Variants in NALF1 observed in about 807,000 individuals in gnomAD.
NALF1 encodes the protein family with sequence similarity 155 member A.
Under a neutral mutation model 48.4 loss-of-function variants are expected in NALF1, and 3 were observed. That is an observed-to-expected ratio of 0.06 (90% CI 0.03 to 0.16). The LOEUF is 0.16. Among genes scored for constraint, NALF1 ranks in the 10% least tolerant of loss-of-function variants. The pLI, the probability that NALF1 is intolerant of heterozygous loss-of-function variation, is 1.00. For synonymous variants in NALF1, 262 were observed against 245.7 expected, an observed-to-expected ratio of 1.07 and a Z score of -0.62; for missense variants, 526 against 571.5, an observed-to-expected ratio of 0.92 and a Z score of 0.81.
intron 1 of NALF1, among the ~76,000 whole-genome samples, chr13:107,600,260 T>G (rs1336130547): frequency 6.6e-6 from 1 of 152,168 alleles, no homozygotes; most frequent in African/African-American, 2.4e-5. Flanking sequence ...GATAGTATCC[T>G]CTATAAGACT....
intron 1 of NALF1, among the ~76,000 whole-genome samples, chr13:107,564,121 G>A (rs1877720847): frequency 6.6e-6 from 1 of 152,140 alleles, no homozygotes; most frequent in African/African-American, 2.4e-5. Context: ...ACAACTGAAA[G>A]AATGGAGATA....
chr13:107,242,667 T>G (rs1256002600), intron 1 of NALF1, among the ~76,000 whole-genome samples: 2 of 152,202 alleles, frequency 1.3e-5, no homozygotes, highest in Admixed American at 1.3e-4. Flanking sequence ...TTATGCCTTT[T>G]TGTTTACCTA....
chr13:107,854,885 A>G (rs1322239073), intron 1 of NALF1, among the ~76,000 whole-genome samples: 1 of 120,840 alleles, frequency 8.3e-6, no homozygotes, highest in East Asian at 3.3e-4. Flanking sequence ...AAAAAAAAAG[A>G]AAAAAAGACC....
intron 1 of NALF1, among the ~76,000 whole-genome samples, chr13:107,257,795 T>C (rs1880849496): frequency 6.6e-6 from 1 of 151,898 alleles, no homozygotes; most frequent in South Asian, 2.1e-4. Flanking sequence ...AGGTAGGGGA[T>C]GGGGGGTGGT....
At chr13:107,445,816 C>T (rs899068261) in intron 1 of NALF1, among the ~76,000 whole-genome samples, 13 of 152,010 alleles carry the variant, frequency 8.6e-5, no homozygotes, top group Admixed American at 8.5e-4. Flanking sequence ...TCCCAAATGG[C>T]TATTGGTGAT....
intron 1 of NALF1, among the ~76,000 whole-genome samples, chr13:107,338,241 C>T (rs1053217510): frequency 5.3e-5 from 8 of 152,180 alleles, no homozygotes; most frequent in African/African-American, 1.7e-4. Flanking sequence ...TGACCTAATT[C>T]TTACAATCCC....
At chr13:107,287,832 A>C (rs2138879281) in intron 1 of NALF1, among the ~76,000 whole-genome samples, 1 of 150,514 alleles carries the variant, frequency 6.6e-6, no homozygotes, top group East Asian at 2.0e-4. Flanking sequence ...CAGCCTCCCG[A>C]GTAACTGGGA....
At chr13:107,232,736 A>G (rs1239070845) in intron 1 of NALF1, among the ~76,000 whole-genome samples, 1 of 152,186 alleles carries the variant, frequency 6.6e-6, no homozygotes, top group Non-Finnish European at 1.5e-5. Context: ...ATTCCATGCT[A>G]AGAGATTCTG....
At chr13:107,606,857 T>C (rs9587409) in intron 1 of NALF1, among the ~76,000 whole-genome samples, 79 of 152,230 alleles carry the variant, frequency 5.2e-4, no homozygotes, top group African/African-American at 1.9e-3. Flanking sequence ...ACAAAATCTA[T>C]CTGTCCTGAA....
intron 2 of NALF1, among the ~76,000 whole-genome samples, chr13:107,184,459 A>G (rs984167573): frequency 5.9e-5 from 9 of 151,968 alleles, no homozygotes; most frequent in African/African-American, 2.2e-4. Flanking sequence ...TCTGCCTTGG[A>G]CTTAGTCTCT....
chr13:107,239,264 T>A (rs1372727613), intron 1 of NALF1, among the ~76,000 whole-genome samples: 1 of 152,208 alleles, frequency 6.6e-6, no homozygotes, highest in Non-Finnish European at 1.5e-5. Context: ...CGACAGGCCA[T>A]GCTCTCTCCA....
At chr13:107,364,779 AAGAGCCTGACAACCTG>A (rs1883122677) in intron 1 of NALF1, among the ~76,000 whole-genome samples, 1 of 66,074 alleles carries the variant, frequency 1.5e-5, no homozygotes, top group Non-Finnish European at 3.7e-5. Context: ...CCAAGCTCGT[AAGAGCCTGACAACCTG>A]ACCTAGGATA....
intron 1 of NALF1, among the ~76,000 whole-genome samples, chr13:107,735,799 G>A (rs543360357): frequency 6.6e-6 from 1 of 152,286 alleles, no homozygotes; most frequent in East Asian, 1.9e-4. Context: ...ACTCTTCTTG[G>A]TGTAGGGGTA....
At chr13:107,825,510 C>T (rs1879489151) in intron 1 of NALF1, among the ~76,000 whole-genome samples, 1 of 152,114 alleles carries the variant, frequency 6.6e-6, no homozygotes, top group Admixed American at 6.5e-5. Flanking sequence ...GGCCTCAATC[C>T]TTATGCATCA....
chr13:107,399,870 T>C (rs1419771543), intron 1 of NALF1, among the ~76,000 whole-genome samples: 3 of 152,154 alleles, frequency 2.0e-5, no homozygotes, highest in African/African-American at 7.2e-5. Context: ...AATTATAGCA[T>C]TCTGTGTACC....
chr13:107,582,960 G>T (rs964274196), intron 1 of NALF1, among the ~76,000 whole-genome samples: 1 of 152,010 alleles, frequency 6.6e-6, no homozygotes, highest in African/African-American at 2.4e-5. Context: ...CTGATTCCTG[G>T]TATATCACCT....
At chr13:107,195,476 C>A (rs953024153) in intron 2 of NALF1, among the ~76,000 whole-genome samples, 1 of 152,180 alleles carries the variant, frequency 6.6e-6, no homozygotes, top group South Asian at 2.1e-4. Flanking sequence ...AATTTCATTT[C>A]TCTGTATCGC....
At chr13:107,363,489 C>A (rs1296423877) in intron 1 of NALF1, among the ~76,000 whole-genome samples, 2 of 152,182 alleles carry the variant, frequency 1.3e-5, no homozygotes, top group East Asian at 3.9e-4. Flanking sequence ...GTCCCAGCTA[C>A]TCCAGAGGCT....
chr13:107,825,349 C>T (rs1464214784), intron 1 of NALF1, among the ~76,000 whole-genome samples: 1 of 152,094 alleles, frequency 6.6e-6, no homozygotes, highest in South Asian at 2.1e-4. Flanking sequence ...ATGAATAATG[C>T]TATTTGATTG....
Sources: gnomAD v4.1 joint callset for allele counts (sites outside exome capture counted in the v4.1 genomes callset) on GRCh38, gnomAD v4.1.1 for gene constraint, MANE v1.5 for transcripts, NCBI Gene and HGNC (gene_info 2026-07-23, HGNC 2026-07-21) for gene names.